The following CSMD1 variants were observed in gnomAD, a reference collection of about 807,000 sequenced individuals.
CSMD1 encodes CUB and sushi domain-containing protein 1.
Under a neutral mutation model 417.5 loss-of-function variants are expected in CSMD1, and 213 were observed. The observed-to-expected ratio is 0.51, with a 90% CI of 0.46 to 0.57. CSMD1 has a LOEUF of 0.57. Among genes scored for constraint, CSMD1 ranks in the 20% least tolerant of loss-of-function variants. The probability of loss-of-function intolerance (pLI) is 0.00; values close to 1 mark genes in which losing one functional copy is unlikely to be tolerated. For missense variants in CSMD1, 6,923 were observed against 4,529.7 expected, an observed-to-expected ratio of 1.53 and a Z score of -15.17; for synonymous variants, 2,862 against 1,736.8, an observed-to-expected ratio of 1.65 and a Z score of -16.11.
intron 5 of CSMD1, among the ~76,000 whole-genome samples, chr8:3,801,507 C>G (rs1351288140): frequency 6.6e-6 from 1 of 152,114 alleles, no homozygotes; most frequent in Non-Finnish European, 1.5e-5. Flanking sequence ...TTGGAACCCT[C>G]TCGTGTTGCT....
chr8:4,672,502 A>C (rs557338447), intron 1 of CSMD1, among the ~76,000 whole-genome samples: 56 of 152,338 alleles, frequency 3.7e-4, no homozygotes, highest in Middle Eastern at 3.4e-3. Context: ...GATGAAAAAA[A>C]GCTTTAATAA....
chr8:4,940,026 T>G, intron 1 of CSMD1, among the ~76,000 whole-genome samples: 1 of 152,190 alleles, frequency 6.6e-6, no homozygotes, highest in East Asian at 1.9e-4. Flanking sequence ...AAGATCCATG[T>G]GCCTGCACTC....
chr8:4,196,501 A>G (rs537849070), intron 3 of CSMD1, among the ~76,000 whole-genome samples: 122 of 152,226 alleles, frequency 8.0e-4, no homozygotes, highest in African/African-American at 2.8e-3. Context: ...AGTTTGTTAC[A>G]TTTATGGGGC....
rs544790227 is a variant in CSMD1, at chr8:4,169,169, T to C, written c.416-137070A>G. ...AGCTTAATGGTGTAAACACCGTCTC[T>C]ACGGTTTCAGAATGTTAACATAGTG... On this transcript the variant is annotated intron_variant, in intron 3 of 69. Transcript: ENST00000635120. Among the ~76,000 whole-genome samples, 130 of 152,304 alleles carry C rather than the reference T, an allele frequency of 8.5e-4. 2 individuals carry two copies. Among genetic ancestry groups the C allele is most frequent in the African/African-American group, 3.0e-3 (124 of 41,556 alleles).
chr8:3,387,511 G>A lies in CSMD1; in HGVS notation c.2765C>T (p.Ala922Val), dbSNP rs796597693. 9.4e-6 allele frequency: 15 copies of A among 1,601,200 alleles called. No individual in the cohort carries two copies. The highest frequency in any genetic ancestry group is 1.7e-5 in the Admixed American group (1 of 58,406). Residue 922 changes from alanine (A) to valine (V), a missense_variant, in exon 18 of 70, where the codon GCC becomes GTC. Coordinates refer to ENST00000635120, the MANE Select transcript of CSMD1 (RefSeq NM_033225.6). ...VCERNHQWNH[A>V]LPSCDALCGG... Reference sequence around the variant, plus strand: ...GTACCTACCGTCGCAGCTGGGCAAGGCGTGGTTCCACTGGTGGTTCCTCTC... The same window carrying A: ...GTACCTACCGTCGCAGCTGGGCAAGACGTGGTTCCACTGGTGGTTCCTCTC...
At chr8:4,766,969 G>C (rs1044263423) in intron 1 of CSMD1, among the ~76,000 whole-genome samples, 1 of 152,140 alleles carries the variant, frequency 6.6e-6, no homozygotes, top group Non-Finnish European at 1.5e-5. Flanking sequence ...TAAGAAGATA[G>C]TCTAAAAAAG....
At chr8:4,117,324 G>T (rs999254080) in intron 3 of CSMD1, among the ~76,000 whole-genome samples, 12 of 150,544 alleles carry the variant, frequency 8.0e-5, no homozygotes, top group African/African-American at 2.7e-4. Flanking sequence ...ATACATCACC[G>T]TCTGCCTGTA....
intron 7 of CSMD1, among the ~76,000 whole-genome samples, chr8:3,659,122 C>A (rs1004441545): frequency 6.6e-6 from 1 of 152,096 alleles, no homozygotes; most frequent in African/African-American, 2.4e-5. Flanking sequence ...ATAGATAGCA[C>A]ATAAATCCTT....
chr8:4,304,646 A>G (rs900578402), intron 3 of CSMD1, among the ~76,000 whole-genome samples: 29 of 152,296 alleles, frequency 1.9e-4, no homozygotes, highest in Admixed American at 5.2e-4. Flanking sequence ...ACTGCTACTC[A>G]TACCCAAATA....
rs193196084 is a variant in CSMD1 at position 2,976,617 on chromosome 8, G to T, written c.8567-1993C>A. 5.9e-4 allele frequency among the ~76,000 whole-genome samples: 90 copies of T among 152,272 alleles called. No homozygotes were observed. In the South Asian group the frequency reaches 0.011, roughly 19 times the overall value. On this transcript the variant is annotated intron_variant, in intron 55 of 69. Transcript: ENST00000635120. ...ACCTTCCCTGGCCTCCCAAAATGCT[G>T]GGATTACAGGTGTGAGTCACGGCAC...
At chr8:4,119,398 G>A (rs1265175272) in intron 3 of CSMD1, among the ~76,000 whole-genome samples, 2 of 152,164 alleles carry the variant, frequency 1.3e-5, no homozygotes, top group Non-Finnish European at 2.9e-5. Context: ...TGATTTTACT[G>A]TTTTCAGTTA....
intron 3 of CSMD1, among the ~76,000 whole-genome samples, chr8:4,311,490 A>C (rs1030946954): frequency 6.6e-6 from 1 of 152,266 alleles, no homozygotes; most frequent in South Asian, 2.1e-4. Context: ...CAGAAGGCCA[A>C]GTTGGGCAGA....
chr8:4,469,533 C>A (rs1005190280), intron 2 of CSMD1, among the ~76,000 whole-genome samples: 1 of 152,186 alleles, frequency 6.6e-6, no homozygotes, highest in African/African-American at 2.4e-5. Flanking sequence ...CCGGAGCCTT[C>A]CTCTTCTCAA....
chr8:4,962,612 T>C (rs182322594), intron 1 of CSMD1, among the ~76,000 whole-genome samples: 27 of 152,268 alleles, frequency 1.8e-4, no homozygotes, highest in African/African-American at 6.5e-4. Context: ...GCACCCCAGA[T>C]GCCAGTATTT....
At chr8:3,593,522 C>T (rs1410681844) in intron 8 of CSMD1, among the ~76,000 whole-genome samples, 1 of 152,040 alleles carries the variant, frequency 6.6e-6, no homozygotes, top group African/African-American at 2.4e-5. Context: ...TCTCCACAGC[C>T]CGGGCCCTTA....
At position 3,584,736 on chromosome 8, in the gene CSMD1, T is replaced by G. The variant is rs1326216077; in HGVS notation, c.1222+1400A>C. 4.6e-5 allele frequency among the ~76,000 whole-genome samples: 7 copies of G among 152,334 alleles called. No homozygotes were observed. The East Asian group carries it at 1.2e-3, about 25-fold the overall frequency. On this transcript the variant is annotated intron_variant, in intron 9 of 69. Transcript: ENST00000635120. The stretch of plus-strand genomic sequence containing the variant: ...TTTACTATTTGTCTAAAGTGAACTT[T>G]AAAAATAATGAAGCCTATTTCCCGG...
chr8:4,124,608 G>A (rs753241891), intron 3 of CSMD1, among the ~76,000 whole-genome samples: 1 of 152,156 alleles, frequency 6.6e-6, no homozygotes, highest in Non-Finnish European at 1.5e-5. Context: ...CCTGGCACCA[G>A]CACGCACAGC....
chr8:3,240,729 G>C (rs895357866), intron 26 of CSMD1, among the ~76,000 whole-genome samples: 2 of 152,158 alleles, frequency 1.3e-5, no homozygotes, highest in African/African-American at 2.4e-5. Context: ...GGGTTGTGGA[G>C]GGAGGTATCG....
At chr8:4,093,809 A>G (rs1424199616) in intron 3 of CSMD1, among the ~76,000 whole-genome samples, 1 of 152,044 alleles carries the variant, frequency 6.6e-6, no homozygotes, top group Non-Finnish European at 1.5e-5. Context: ...AAAAATACAA[A>G]AAGTAGCTGG....
Sources: allele counts gnomAD v4.1 joint callset (sites outside exome capture counted in the v4.1 genomes callset), GRCh38; gene constraint gnomAD v4.1.1; transcripts MANE v1.5; gene names NCBI Gene and HGNC (gene_info 2026-07-23, HGNC 2026-07-21).